Variants in GRAMD4 observed in about 807,000 individuals in gnomAD.
GRAMD4 encodes GRAM domain-containing protein 4.
Under a neutral mutation model 83.9 loss-of-function variants are expected in GRAMD4, and 25 were observed. The ratio of observed to expected loss-of-function variants is 0.30; its 90% confidence interval spans 0.22 to 0.42. The LOEUF is 0.42. Among genes scored for constraint, GRAMD4 ranks in the 10% least tolerant of loss-of-function variants. The pLI is 1.00. For synonymous variants in GRAMD4, 336 were observed against 320.9 expected (o/e 1.05, Z -0.50); for missense variants, 593 against 788.7 (o/e 0.75, Z 2.97).
chr22:46,603,239 G>A (rs1439579002), intron 1 of GRAMD4, among the ~76,000 whole-genome samples: 5 of 119,094 alleles, frequency 4.2e-5, no homozygotes, highest in African/African-American at 1.4e-4. Context: ...ACGGAGTCTC[G>A]CTGTGTTGCC....
At position 46,679,765 on chromosome 22, in the gene GRAMD4, A is replaced by G. The variant is rs2146523945; in HGVS notation, c.*2514A>G. On this transcript the variant is annotated 3_prime_UTR_variant, in exon 19 of 19. Transcript: ENST00000406902. ...TAAATTATAATTTTTATTTAAATAA[A>G]CCTAAAATGCTTTGTGCTAAGGCTC... 3 of 980,288 alleles carry G rather than the reference A, an allele frequency of 3.1e-6. No homozygotes were observed. The highest frequency in any genetic ancestry group is 3.6e-6 in the Non-Finnish European group (3 of 825,128). The allele number at this position is 980,288 out of a possible 1,614,324, so 60.7% of individuals were successfully genotyped here. A position where few individuals can be genotyped will look rare whatever the true frequency, so the allele number is the denominator to read the frequency against.
chr22:46,600,339 T>A (rs12628924), intron 1 of GRAMD4, among the ~76,000 whole-genome samples: 3 of 152,192 alleles, frequency 2.0e-5, no homozygotes, highest in Non-Finnish European at 4.4e-5. Context: ...CTTTGCCAGC[T>A]TGGGGCCAGG....
chr22:46,601,263 G>A (rs370257587), intron 1 of GRAMD4, among the ~76,000 whole-genome samples: 3 of 152,036 alleles, frequency 2.0e-5, no homozygotes, highest in Non-Finnish European at 4.4e-5. Flanking sequence ...CCCGTCGGCC[G>A]CCGGGTCACA....
intron 1 of GRAMD4, chr22:46,587,962 G>C: frequency 1.0e-6 from 1 of 985,122 alleles, no homozygotes. Context: ...AAAGGCCTGA[G>C]GGTCCAGGGG....
rs772227129 is a variant in GRAMD4, at chr22:46,672,371, C to T, written c.1085-472C>T. ...GGCCTCTCAGCAGGGATGGGCTGGGCGTGGGGGGGCACCCAGTTGAAGAAG... is the reference window on the plus strand; with the variant it reads ...GGCCTCTCAGCAGGGATGGGCTGGGTGTGGGGGGGCACCCAGTTGAAGAAG... On this transcript the variant is annotated intron_variant, in intron 13 of 18. Transcript: ENST00000406902. This position sits in a 1 kb window ranked among gnomAD's most constrained non-coding sequence, Gnocchi z 4.7. Among the ~76,000 whole-genome samples, 9 of 123,452 alleles carry T rather than the reference C, an allele frequency of 7.3e-5. No homozygotes were observed. Among genetic ancestry groups the T allele is most frequent in the Non-Finnish European group, 1.4e-4 (8 of 58,988 alleles). The allele number at this position is 123,452 out of a possible 152,430, so 81.0% of individuals were successfully genotyped here. A position where few individuals can be genotyped will look rare whatever the true frequency, so the allele number is the denominator to read the frequency against.
chr22:46,582,597 C>T (rs1207553021), intron 1 of GRAMD4, among the ~76,000 whole-genome samples: 1 of 152,146 alleles, frequency 6.6e-6, no homozygotes, highest in Non-Finnish European at 1.5e-5. Context: ...CTCATTATGC[C>T]TGGTATCCTG....
chr22:46,673,343 A>G (rs970927181), intron 14 of GRAMD4, among the ~76,000 whole-genome samples: 1 of 152,224 alleles, frequency 6.6e-6, no homozygotes, highest in African/African-American at 2.4e-5. Flanking sequence ...CCTTGGAGCC[A>G]CAGCCTGGCA....
Position 46,673,806 on chromosome 22 carries a change from C to T in GRAMD4, c.1376C>T (p.Pro459Leu), listed in dbSNP as rs747167692. The change falls in exon 15 of 19, where the codon CCG (proline) becomes CTG (leucine). Residue 459 changes from proline (P) to leucine (L), a missense_variant. Pro to Leu is a moderately conservative substitution (Grantham distance 98). Around this residue, in one of 4 missense-constraint regions of GRAMD4, gnomAD observed 171 missense variants for 199.6 expected, o/e 0.86. Transcript: ENST00000406902. ...TTCAATCTGACAGAAAACGAGCGTC[C>T]GCTGGCGGGTATGTGTGCCGTGAGT... ...EIFNLTENER[P>L]LAVCENGWRC... 2 of 1,612,878 alleles carry T rather than the reference C, an allele frequency of 1.2e-6. No homozygotes were observed. Among genetic ancestry groups the T allele is most frequent in the Non-Finnish European group, 1.7e-6 (2 of 1,179,946 alleles).
intron 1 of GRAMD4, among the ~76,000 whole-genome samples, chr22:46,598,644 G>T (rs1039594977): frequency 1.0e-3 from 156 of 152,124 alleles, no homozygotes; most frequent in African/African-American, 3.5e-3. Context: ...GGTCTGCTTG[G>T]GGGAAGGAGC....
intron 1 of GRAMD4, among the ~76,000 whole-genome samples, chr22:46,590,176 G>A (rs111415224): frequency 0.018 from 2,756 of 152,322 alleles, 39 homozygotes; most frequent in Non-Finnish European, 0.029. Flanking sequence ...CTACTGGGCC[G>A]CCTGGACAGC....
chr22:46,623,036 A>G (rs1295110969), intron 1 of GRAMD4, among the ~76,000 whole-genome samples: 1 of 151,962 alleles, frequency 6.6e-6, no homozygotes, highest in Non-Finnish European at 1.5e-5. Context: ...TGGAGAGAGA[A>G]TTGTTAACGA....
upstream of GRAMD4, among the ~76,000 whole-genome samples, chr22:46,616,040 A>C (rs1255337819): frequency 3.3e-4 from 1 of 3,074 alleles, no homozygotes; most frequent in Non-Finnish European, 7.2e-4. Flanking sequence ...CCCCATGTGT[A>C]GGTTCCCCTG....
intron 3 of GRAMD4, among the ~76,000 whole-genome samples, chr22:46,643,169 A>T (rs1436220130): frequency 1.8e-5 from 2 of 111,672 alleles, no homozygotes; most frequent in African/African-American, 5.6e-5. Context: ...CCATCCATCC[A>T]TCCATCCATC....
chr22:46,610,854 A>G (rs1472639815), intron 1 of GRAMD4, among the ~76,000 whole-genome samples: 2 of 152,214 alleles, frequency 1.3e-5, no homozygotes, highest in African/African-American at 2.4e-5. Context: ...TCTACAACAC[A>G]GTAGTTTTTG....
intron 3 of GRAMD4, among the ~76,000 whole-genome samples, chr22:46,655,358 A>T (rs1433968121): frequency 6.6e-6 from 1 of 152,120 alleles, no homozygotes; most frequent in African/African-American, 2.4e-5. Context: ...CGGGAAAGCA[A>T]CAAGTTCTGG....
chr22:46,592,654 G>A (rs1329977137), intron 1 of GRAMD4, among the ~76,000 whole-genome samples: 2 of 152,136 alleles, frequency 1.3e-5, no homozygotes, highest in Admixed American at 6.5e-5. Context: ...TTTCTCTCCC[G>A]AGAGTCTTGG....
At chr22:46,637,409 C>T (rs1037221237) in intron 2 of GRAMD4, among the ~76,000 whole-genome samples, 1 of 152,070 alleles carries the variant, frequency 6.6e-6, no homozygotes, top group South Asian at 2.1e-4. Context: ...CCCGCCACTG[C>T]GCCTGGCTAA....
chr22:46,666,049 C>T (rs2082404133), intron 9 of GRAMD4, among the ~76,000 whole-genome samples: 1 of 152,244 alleles, frequency 6.6e-6, no homozygotes, highest in Non-Finnish European at 1.5e-5. Context: ...CCGGAAGGTT[C>T]CTGCTGGCTG....
chr22:46,597,468 G>A (rs2081272768), intron 1 of GRAMD4, among the ~76,000 whole-genome samples: 2 of 152,036 alleles, frequency 1.3e-5, no homozygotes, highest in African/African-American at 4.8e-5. Flanking sequence ...TTCTGGCCTG[G>A]TTTCATTTAT....
Sources: gnomAD v4.1 joint callset for allele counts (sites outside exome capture counted in the v4.1 genomes callset) on GRCh38, gnomAD v4.1.1 for gene constraint, gnomAD v4.1.1 regional missense constraint, Gnocchi (gnomAD v3.1) non-coding constraint, MANE v1.5 for transcripts, NCBI Gene and HGNC (gene_info 2026-07-23, HGNC 2026-07-21) for gene names.